AGBL4: variants seen among roughly 807,000 people sequenced by gnomAD.
The protein encoded by AGBL4 is cytosolic carboxypeptidase 6.
AGBL4 carries 58 observed loss-of-function variants against 66.4 expected under a neutral mutation model. The ratio of observed to expected loss-of-function variants is 0.87; its 90% confidence interval spans 0.71 to 1.09. The LOEUF (loss-of-function observed/expected upper bound fraction) is 1.09. Ranked by LOEUF, AGBL4 falls within the 50% of genes least tolerant of loss-of-function variation. The pLI, the probability that AGBL4 is intolerant of heterozygous loss-of-function variation, is 0.00. For missense variants in AGBL4, 579 were observed against 631.0 expected, an observed-to-expected ratio of 0.92 and a Z score of 0.88; for synonymous variants, 234 against 222.9, an observed-to-expected ratio of 1.05 and a Z score of -0.44.
At chr1:49,647,869 A>C (rs975276869) in intron 3 of AGBL4, among the ~76,000 whole-genome samples, 4 of 151,924 alleles carry the variant, frequency 2.6e-5, no homozygotes, top group African/African-American at 9.7e-5. Flanking sequence ...AAAAAAAAAA[A>C]AACCTGAGGA....
At chr1:48,734,836 T>G (rs1648761752) in intron 6 of AGBL4, among the ~76,000 whole-genome samples, 1 of 152,218 alleles carries the variant, frequency 6.6e-6, no homozygotes, top group Admixed American at 6.5e-5. Flanking sequence ...CTGGACATAT[T>G]TGTTGTCTGC....
At position 49,437,987 on chromosome 1, in the gene AGBL4, C is replaced by G. The variant is rs117283933; in HGVS notation, c.283-192123G>C. On this transcript the variant is annotated intron_variant, in intron 3 of 13. Coordinates refer to ENST00000371839, the MANE Select transcript of AGBL4 (RefSeq NM_032785.4). ...ATTTAATATTTAAATAAACCAGGTACTACTTTTCCATGTTTTCAGCCATAA... is the reference window on the plus strand; with the variant it reads ...ATTTAATATTTAAATAAACCAGGTAGTACTTTTCCATGTTTTCAGCCATAA... 5.1e-4 allele frequency among the ~76,000 whole-genome samples: 77 copies of G among 152,244 alleles called. No individual in the cohort carries two copies. In the East Asian group the frequency reaches 0.014, roughly 29 times the overall value.
chr1:49,689,194 T>A (rs1646840788), intron 3 of AGBL4, among the ~76,000 whole-genome samples: 2 of 152,182 alleles, frequency 1.3e-5, no homozygotes, highest in South Asian at 4.1e-4. Flanking sequence ...TTTAGTAGTT[T>A]CATAGTTTGA....
At chr1:48,677,681 G>A (rs1367406354) in intron 6 of AGBL4, among the ~76,000 whole-genome samples, 2 of 152,218 alleles carry the variant, frequency 1.3e-5, no homozygotes, top group Non-Finnish European at 2.9e-5. Flanking sequence ...TTCCCTGACA[G>A]CTTGATGCCT....
chr1:49,681,128 T>C (rs1253734147), intron 3 of AGBL4, among the ~76,000 whole-genome samples: 4 of 152,178 alleles, frequency 2.6e-5, no homozygotes, highest in African/African-American at 9.7e-5. Context: ...AAATGTGTAA[T>C]AGTTTGTAAA....
At chr1:49,026,748 C>T (rs1324107321) in intron 5 of AGBL4, among the ~76,000 whole-genome samples, 1 of 152,108 alleles carries the variant, frequency 6.6e-6, no homozygotes, top group East Asian at 1.9e-4. Context: ...TTTGTTTGTT[C>T]TTGCATTTCT....
chr1:49,831,268 T>C (rs569161767), intron 2 of AGBL4, among the ~76,000 whole-genome samples: 101 of 152,336 alleles, frequency 6.6e-4, no homozygotes, highest in South Asian at 1.2e-3. Flanking sequence ...TTCGTTTGTG[T>C]CCTCTCTTAT....
chr1:49,316,396 A>G (rs914791021), intron 3 of AGBL4, among the ~76,000 whole-genome samples: 2 of 151,916 alleles, frequency 1.3e-5, no homozygotes, highest in Admixed American at 6.6e-5. Flanking sequence ...ATTTCATTCA[A>G]TTTTTTCCGT....
At chr1:49,482,026 C>A (rs1305976280) in intron 3 of AGBL4, among the ~76,000 whole-genome samples, 1 of 149,678 alleles carries the variant, frequency 6.7e-6, no homozygotes, top group African/African-American at 2.5e-5. Context: ...ACTCGGTTTG[C>A]CAGTATTTTG....
At chr1:49,737,611 A>AACTT (rs1330425977) in intron 2 of AGBL4, among the ~76,000 whole-genome samples, 5 of 152,238 alleles carry the variant, frequency 3.3e-5, no homozygotes, top group African/African-American at 1.2e-4. Flanking sequence ...ATGGGATCCA[A>AACTT]ACTTCAAACT....
intron 4 of AGBL4, among the ~76,000 whole-genome samples, chr1:49,076,102 A>G (rs1324726788): frequency 6.6e-6 from 1 of 152,212 alleles, no homozygotes; most frequent in Non-Finnish European, 1.5e-5. Flanking sequence ...TCAATTTTCA[A>G]TGGAATTGTT....
chr1:49,769,884 A>G (rs1644004950), intron 2 of AGBL4, among the ~76,000 whole-genome samples: 1 of 152,220 alleles, frequency 6.6e-6, no homozygotes, highest in South Asian at 2.1e-4. Flanking sequence ...AAGAAATACC[A>G]TTCAGAACAT....
At chr1:49,950,652 G>T (rs573214439) in intron 1 of AGBL4, among the ~76,000 whole-genome samples, 6 of 151,220 alleles carry the variant, frequency 4.0e-5, no homozygotes, top group Non-Finnish European at 5.9e-5. Flanking sequence ...AAAGTTCAAC[G>T]AAGAAAAAAA....
rs567042744 is a variant in AGBL4, at chr1:48,646,364, G to A, written c.839+6973C>T. On this transcript the variant is annotated intron_variant, in intron 8 of 13. Coordinates refer to ENST00000371839, the MANE Select transcript of AGBL4 (RefSeq NM_032785.4). ...TGTTTCTAGCTTGATGAAAAAATAG[G>A]CAGTTTTTATGCTGTTACAGAACAA... 3.3e-5 allele frequency among the ~76,000 whole-genome samples: 5 copies of A among 152,256 alleles called. No individual in the cohort carries two copies. In the East Asian group the frequency reaches 9.7e-4, roughly 29 times the overall value.
intron 3 of AGBL4, among the ~76,000 whole-genome samples, chr1:49,367,836 T>C (rs1644268984): frequency 6.6e-6 from 1 of 152,236 alleles, no homozygotes; most frequent in Admixed American, 6.5e-5. Flanking sequence ...CACAATGTCG[T>C]GCAACCATCA....
chr1:49,769,566 A>T (rs1029540606), intron 2 of AGBL4, among the ~76,000 whole-genome samples: 1 of 152,192 alleles, frequency 6.6e-6, no homozygotes, highest in Non-Finnish European at 1.5e-5. Flanking sequence ...TTCAAACTAC[A>T]CTACAGGGCT....
intron 3 of AGBL4, among the ~76,000 whole-genome samples, chr1:49,425,095 A>C (rs1179080526): frequency 6.6e-6 from 1 of 152,224 alleles, no homozygotes; most frequent in Non-Finnish European, 1.5e-5. Context: ...GAATGTCAAC[A>C]AAAAGAATCG....
chr1:49,276,748 C>T (rs1644175760), intron 3 of AGBL4, among the ~76,000 whole-genome samples: 1 of 152,180 alleles, frequency 6.6e-6, no homozygotes, highest in South Asian at 2.1e-4. Flanking sequence ...GGATTTACCA[C>T]CATAATCTGC....
At chr1:49,432,873 A>G (rs956416019) in intron 3 of AGBL4, among the ~76,000 whole-genome samples, 3 of 152,328 alleles carry the variant, frequency 2.0e-5, no homozygotes, top group Admixed American at 2.0e-4. Flanking sequence ...TGAACATACC[A>G]AAGAGGCATG....
Sources: gnomAD v4.1 joint callset for allele counts (sites outside exome capture counted in the v4.1 genomes callset) on GRCh38, gnomAD v4.1.1 for gene constraint, MANE v1.5 for transcripts, NCBI Gene and HGNC (gene_info 2026-07-23, HGNC 2026-07-21) for gene names.